Variants in AGFG1 observed in about 807,000 individuals in gnomAD.
AGFG1 encodes the protein ArfGAP with FG repeats 1.
Under a neutral mutation model 60.6 loss-of-function variants are expected in AGFG1, and 10 were observed. The observed-to-expected ratio is 0.16, with a 90% CI of 0.10 to 0.28. The LOEUF is 0.28. Among genes scored for constraint, AGFG1 ranks in the 10% least tolerant of loss-of-function variants. AGFG1 has a pLI of 1.00. For missense variants in AGFG1, 537 were observed against 676.5 expected (o/e 0.79, Z 2.29); for synonymous variants, 247 against 242.9 (o/e 1.02, Z -0.16).
At chr2:227,553,645 T>A (rs1178562414) in intron 11 of AGFG1, 59 bp from the exon 12 acceptor site, 1 of 1,345,704 alleles carries the variant, frequency 7.4e-7, no homozygotes, top group African/African-American at 1.5e-5. Context: ...TGAGGCTTTA[T>A]AAGCATCAGA....
At chr2:227,503,687 G>A (rs77334701) in intron 2 of AGFG1, among the ~76,000 whole-genome samples, 8,183 of 152,244 alleles carry the variant, frequency 0.054, 292 homozygotes, top group African/African-American at 0.089. Flanking sequence ...AGTTGGAAAG[G>A]CACACCAGGA....
intron 10 of AGFG1, among the ~76,000 whole-genome samples, chr2:227,546,294 G>A (rs998059901): frequency 1.3e-5 from 2 of 152,238 alleles, no homozygotes; most frequent in African/African-American, 2.4e-5. Context: ...GCTGAGCCAG[G>A]CGCGGGATAT....
At chr2:227,524,740 A>G (rs1364189856) in intron 4 of AGFG1, 22 bp from the exon 5 acceptor site, 3 of 1,612,194 alleles carry the variant, frequency 1.9e-6, no homozygotes, top group South Asian at 2.2e-5. Context: ...GAATATCTTT[A>G]TAGTTAATAT....
rs1463797772 is a variant in AGFG1, at chr2:227,560,722, T to C, written c.*6227T>C. On this transcript the variant is annotated 3_prime_UTR_variant, in exon 13 of 13. Coordinates refer to ENST00000310078, the MANE Select transcript of AGFG1 (RefSeq NM_004504.5). ...TTTTGGCACAACCACATTTGTTCAT[T>C]ATACAAAATTAGCTTCCTATGCTTT... 2.0e-5 allele frequency: 3 copies of C among 152,162 alleles called. No homozygotes were observed. Among genetic ancestry groups the C allele is most frequent in the African/African-American group, 7.2e-5 (3 of 41,450 alleles). The allele number at this position is 152,162 out of a possible 1,614,324, so 9.4% of individuals were successfully genotyped here.
At chr2:227,478,924 T>TA (rs1392540521) in intron 1 of AGFG1, among the ~76,000 whole-genome samples, 2 of 152,202 alleles carry the variant, frequency 1.3e-5, no homozygotes, top group Non-Finnish European at 2.9e-5. Context: ...TACATGGAAA[T>TA]AATTCTTCTC....
chr2:227,506,203 T>C (rs762151489), intron 2 of AGFG1, among the ~76,000 whole-genome samples: 53 of 152,240 alleles, frequency 3.5e-4, no homozygotes, highest in Non-Finnish European at 6.9e-4. Flanking sequence ...GGATTCTGTT[T>C]TGTTCCTTCA....
intron 2 of AGFG1, among the ~76,000 whole-genome samples, chr2:227,503,022 C>T (rs550626431): frequency 6.6e-6 from 1 of 152,062 alleles, no homozygotes; most frequent in East Asian, 1.9e-4. Flanking sequence ...GGCTTGAGCC[C>T]AGGAGTTCAA....
chr2:227,508,232 C>T (rs1409411816), intron 2 of AGFG1: 1 of 154,888 alleles, frequency 6.5e-6, no homozygotes, highest in Non-Finnish European at 1.4e-5. Flanking sequence ...ACCAGGACAA[C>T]AAGACAATAG....
chr2:227,553,662 C>A (rs904161527), intron 11 of AGFG1, 42 bp from the exon 12 acceptor site: 2 of 1,489,180 alleles, frequency 1.3e-6, no homozygotes, highest in Middle Eastern at 1.7e-4. Context: ...CAGATTGTCT[C>A]TTGAAGGTAT....
At chr2:227,523,718 A>G (rs768006459) in intron 3 of AGFG1, 45 bp from the exon 4 acceptor site, 22 of 1,569,376 alleles carry the variant, frequency 1.4e-5, no homozygotes, top group Non-Finnish European at 1.7e-5. Context: ...TTGATATAGA[A>G]TTACCTACAT....
intron 4 of AGFG1, 100 bp downstream of exon 4, chr2:227,524,025 C>G: frequency 8.7e-7 from 1 of 1,152,238 alleles, no homozygotes; most frequent in South Asian, 1.8e-5. Context: ...TCTTGTATGC[C>G]AGTAGCATTA....
At chr2:227,499,818 G>A (rs1691095270) in intron 2 of AGFG1, among the ~76,000 whole-genome samples, 1 of 152,152 alleles carries the variant, frequency 6.6e-6, no homozygotes, top group African/African-American at 2.4e-5. Flanking sequence ...CTATAACCTG[G>A]GGCCCCTGCC....
Position 227,491,581 on chromosome 2 carries a change from A to G in AGFG1, c.202A>G (p.Ile68Val), listed in dbSNP as rs1374141373. Residue 68 changes from isoleucine (I) to valine (V), a missense_variant, in exon 2 of 13, where the codon ATC (isoleucine) becomes GTC (valine). By Grantham distance (29) the Ile-to-Val change is conservative. Coordinates refer to ENST00000310078, the MANE Select transcript of AGFG1 (RefSeq NM_004504.5). ...GLNPPHRVKS[I>V]SMTTFTQQEI... ...AAATCCACCACACAGGGTGAAATCTATCTCCATGACAACATTCACACAACA... is the reference window on the plus strand; with the variant it reads ...AAATCCACCACACAGGGTGAAATCTGTCTCCATGACAACATTCACACAACA... The G allele has an allele frequency of 3.8e-6, 6 of 1,567,666 alleles. No individual in the cohort carries two copies. Among genetic ancestry groups the G allele is most frequent in the Admixed American group, 3.8e-5 (2 of 53,040 alleles).
chr2:227,552,460 T>A (rs1692848282), intron 11 of AGFG1, among the ~76,000 whole-genome samples: 1 of 151,848 alleles, frequency 6.6e-6, no homozygotes, highest in Admixed American at 6.6e-5. Flanking sequence ...ATGTTGGGAT[T>A]TTTTTTTCCT....
intron 2 of AGFG1, among the ~76,000 whole-genome samples, chr2:227,493,800 G>A (rs1226508716): frequency 6.6e-6 from 1 of 152,076 alleles, no homozygotes; most frequent in African/African-American, 2.4e-5. Flanking sequence ...ATTGCAACAT[G>A]GTATTAGATA....
chr2:227,539,686 A>G (rs1206027799), intron 10 of AGFG1, among the ~76,000 whole-genome samples: 3 of 143,810 alleles, frequency 2.1e-5, no homozygotes, highest in African/African-American at 7.7e-5. Context: ...TCGAAATTAC[A>G]GTGAACTGTG....
chr2:227,526,937 T>G (rs1167462265), intron 5 of AGFG1, among the ~76,000 whole-genome samples: 1 of 152,198 alleles, frequency 6.6e-6, no homozygotes, highest in Non-Finnish European at 1.5e-5. Flanking sequence ...TACAAACATG[T>G]TTAATGCATG....
At chr2:227,543,271 CCTG>C (rs1478748315) in intron 10 of AGFG1, among the ~76,000 whole-genome samples, 1 of 152,062 alleles carries the variant, frequency 6.6e-6, no homozygotes, top group Non-Finnish European at 1.5e-5. Flanking sequence ...TTATATCTTT[CCTG>C]CTTTCTCGTG....
At chr2:227,508,019 T>C (rs1361864658) in intron 2 of AGFG1, among the ~76,000 whole-genome samples, 1 of 152,004 alleles carries the variant, frequency 6.6e-6, no homozygotes, top group Non-Finnish European at 1.5e-5. Flanking sequence ...TTTTTTTAAT[T>C]AACCTGTGAG....
Sources: gnomAD v4.1 joint callset for allele counts (sites outside exome capture counted in the v4.1 genomes callset) on GRCh38, gnomAD v4.1.1 for gene constraint, MANE v1.5 for transcripts, NCBI Gene and HGNC (gene_info 2026-07-23, HGNC 2026-07-21) for gene names.